KIF26B: variants seen among roughly 807,000 people sequenced by gnomAD.
KIF26B encodes kinesin family member 26B, also known as kinesin-like protein KIF26B.
KIF26B carries 63 observed loss-of-function variants against 151.2 expected under a neutral mutation model. The ratio of observed to expected loss-of-function variants is 0.42; its 90% CI spans 0.34 to 0.51. The LOEUF is 0.51. KIF26B is among the 20% of genes least tolerant of loss of function. The probability of loss-of-function intolerance (pLI) is 0.07; values close to 1 mark genes in which losing one functional copy is unlikely to be tolerated. For synonymous variants in KIF26B, 1,357 were observed against 1,262.1 expected (o/e 1.08, Z -1.59); for missense variants, 2,813 against 2,913.6 (o/e 0.97, Z 0.79).
chr1:245,516,059 G>A lies in KIF26B; in HGVS notation c.1167-24708G>A, dbSNP rs948921304. Among the ~76,000 whole-genome samples, 1 of 152,120 alleles carries A rather than the reference G, an allele frequency of 6.6e-6. No individual in the cohort carries two copies. Among genetic ancestry groups the A allele is most frequent in the African/African-American group, 2.4e-5 (1 of 41,434 alleles). ...TCTCATGAGTCCTCTCCCTGGAGGA[G>A]TATTTGGATTCTATTCTGCTTCTCC... On this transcript the variant is annotated intron_variant, in intron 4 of 14. Transcript: ENST00000407071. The surrounding 1 kb of genome is among the most constrained non-coding windows in gnomAD (Gnocchi z 4.2).
At chr1:245,566,566 T>G (rs2043011778) in intron 5 of KIF26B, among the ~76,000 whole-genome samples, 1 of 152,218 alleles carries the variant, frequency 6.6e-6, no homozygotes. Context: ...ACAAAGAAAT[T>G]AAGGACAGCA....
rs151141137 is a variant in KIF26B at position 245,631,452 on chromosome 1, C to T, written c.2099-14669C>T. 3.6e-3 allele frequency among the ~76,000 whole-genome samples: 549 copies of T among 152,272 alleles called. 3 individuals carry two copies. The highest frequency in any genetic ancestry group is 0.013 in the African/African-American group (525 of 41,562). ...TATTGATTTGCATACATCGAACCATCATTGCATCCCTAGGATAAATCCCAC... is the reference window on the plus strand; with the variant it reads ...TATTGATTTGCATACATCGAACCATTATTGCATCCCTAGGATAAATCCCAC... On this transcript the variant is annotated intron_variant, in intron 9 of 14. Coordinates refer to ENST00000407071, the MANE Select transcript of KIF26B (RefSeq NM_018012.4).
chr1:245,491,644 A>G (rs1660411574), intron 4 of KIF26B, among the ~76,000 whole-genome samples: 1 of 152,224 alleles, frequency 6.6e-6, no homozygotes, highest in African/African-American at 2.4e-5. Flanking sequence ...GCAGTGTCTC[A>G]CGCCTATCAT....
At position 245,686,033 on chromosome 1, in the gene KIF26B, C is replaced by G; in HGVS notation, c.3050C>G (p.Pro1017Arg). The G allele has an allele frequency of 6.3e-7, 1 of 1,594,936 alleles. No individual in the cohort carries two copies. The highest frequency in any genetic ancestry group is 1.1e-5 in the South Asian group (1 of 88,766). Residue 1017 changes from proline to arginine, a missense_variant, in exon 12 of 15, where the codon CCC (proline) becomes CGC (arginine). Pro to Arg is a moderately radical substitution (Grantham distance 103, BLOSUM62 -2). Around this residue, in one of 3 missense-constraint regions of KIF26B, gnomAD observed 2,060 missense variants for 2,088.6 expected, o/e 0.99. Transcript: ENST00000407071. This position sits in a 1 kb window ranked among gnomAD's most constrained non-coding sequence, Gnocchi z 5.6. ...CCCGCCGCGGCACCCGCCCACAGCC[C>G]CAGCCCGGCCTCACCCAGGAGCGTC... ...PVPAAAPAHS[P>R]SPASPRSVPG...
chr1:245,388,978 T>A (rs1019846502), intron 3 of KIF26B, among the ~76,000 whole-genome samples: 1 of 152,164 alleles, frequency 6.6e-6, no homozygotes. Flanking sequence ...AGGCTTGCAG[T>A]AAAAGCTTAT....
intron 2 of KIF26B, among the ~76,000 whole-genome samples, chr1:245,363,937 G>A (rs577293515): frequency 1.4e-4 from 22 of 152,302 alleles, no homozygotes; most frequent in Admixed American, 5.2e-4. Flanking sequence ...AGGAGCGGGA[G>A]TTGGTGCTGA....
At chr1:245,548,278 T>A (rs934710772) in intron 5 of KIF26B, among the ~76,000 whole-genome samples, 2 of 147,558 alleles carry the variant, frequency 1.4e-5, no homozygotes, top group African/African-American at 5.1e-5. Context: ...ACAATGTGGT[T>A]GAACTTAAAA....
intron 2 of KIF26B, among the ~76,000 whole-genome samples, chr1:245,212,601 A>G (rs1466083362): frequency 2.6e-5 from 4 of 152,222 alleles, no homozygotes; most frequent in Non-Finnish European, 4.4e-5. Context: ...CATCGAGAGC[A>G]GCAGCTCAGT....
chr1:245,294,135 A>G (rs1425420466), intron 2 of KIF26B, among the ~76,000 whole-genome samples: 2 of 152,196 alleles, frequency 1.3e-5, no homozygotes, highest in Non-Finnish European at 2.9e-5. Flanking sequence ...GGCAAGGTTC[A>G]TAAAACGCTT....
intron 2 of KIF26B, among the ~76,000 whole-genome samples, chr1:245,313,361 A>G (rs1425507552): frequency 6.6e-6 from 1 of 152,190 alleles, no homozygotes; most frequent in East Asian, 1.9e-4. Flanking sequence ...GGTGCACTGA[A>G]GAGGGAAAGC....
At chr1:245,401,949 C>A (rs575567038) in intron 3 of KIF26B, among the ~76,000 whole-genome samples, 3 of 151,588 alleles carry the variant, frequency 2.0e-5, no homozygotes, top group Non-Finnish European at 4.4e-5. Context: ...ACAACAACAA[C>A]AAAAAAAACA....
Position 245,685,761 on chromosome 1 carries a change from T to C in KIF26B, c.2778T>C (p.Phe926=). 1 of 1,612,324 alleles carries C rather than the reference T, an allele frequency of 6.2e-7. No individual in the cohort carries two copies. Among genetic ancestry groups the C allele is most frequent in the Non-Finnish European group, 8.5e-7 (1 of 1,179,418 alleles). ...GGGACTGCCTGAAGTGCAACACGTT[T>C]GCCGAGCTGCAGGAGAGGCTGGACT... The part of the protein sequence containing the change: ...SERDCLKCNT[F]AELQERLDCI... The change falls in exon 12 of 15, where the codon TTT becomes TTC. Residue 926 remains phenylalanine (F), a synonymous_variant. Transcript: ENST00000407071.
Position 245,516,756 on chromosome 1 carries a change from C to T in KIF26B, c.1167-24011C>T, listed in dbSNP as rs1346942900. Among the ~76,000 whole-genome samples the T allele has an allele frequency of 6.6e-6, 1 of 152,178 alleles. No individual in the cohort carries two copies. The highest frequency in any genetic ancestry group is 1.5e-5 in the Non-Finnish European group (1 of 68,034). On this transcript the variant is annotated intron_variant, in intron 4 of 14. Coordinates refer to ENST00000407071, the MANE Select transcript of KIF26B (RefSeq NM_018012.4). This position sits in a 1 kb window ranked among gnomAD's most constrained non-coding sequence, Gnocchi z 4.2. ...ATGTCAGCTCATAAATCTGTAAGCT[C>T]CTTGCTTAAGTAATACGCTCCTTGA...
rs532087622 is a variant in KIF26B at position 245,407,046 on chromosome 1, C to T, written c.1000-12533C>T. 1.7e-4 allele frequency among the ~76,000 whole-genome samples: 26 copies of T among 152,310 alleles called. No individual in the cohort carries two copies. The East Asian group carries it at 4.6e-3, about 27-fold the overall frequency. The stretch of plus-strand genomic sequence containing the variant: ...CAAGTGATCTGCCTGCCTTGGCCTC[C>T]CAAAGTGCTGGGATGACAGGTGTAA... On this transcript the variant is annotated intron_variant, in intron 3 of 14. Coordinates refer to ENST00000407071, the MANE Select transcript of KIF26B (RefSeq NM_018012.4).
In KIF26B at chr1:245,612,099, T is replaced by TGAGAGAGAGA. The variant is rs1256677244; in HGVS notation, c.2098+124_2098+125insAGAGAGAGAG. 24 of 589,544 alleles carry TGAGAGAGAGA rather than the reference T, an allele frequency of 4.1e-5. No individual in the cohort carries two copies. In the East Asian group the frequency reaches 4.6e-4, roughly 11 times the overall value. 36.5% of individuals were successfully genotyped at this position (589,544 alleles called of 1,614,324 possible). Reference sequence around the variant, plus strand: ...GTGTGTGTGTGTGTGTGTGTGTGTGTGTGTGTGAGAGAGAGAGAGAGAGAG... The same window carrying TGAGAGAGAGA: ...GTGTGTGTGTGTGTGTGTGTGTGTGTGAGAGAGAGAGTGTGTGAGAGAGAGAGAGAGAGAG... On this transcript the variant is annotated intron_variant, in intron 9 of 14. Coordinates refer to ENST00000407071, the MANE Select transcript of KIF26B (RefSeq NM_018012.4).
chr1:245,689,563 T>G (rs878957732), intron 12 of KIF26B, among the ~76,000 whole-genome samples: 3 of 152,200 alleles, frequency 2.0e-5, no homozygotes, highest in Admixed American at 6.5e-5. Context: ...TGCCATTTCT[T>G]TTTTTCCTTT....
chr1:245,378,884 T>C (rs545747031), intron 3 of KIF26B, among the ~76,000 whole-genome samples: 5 of 152,148 alleles, frequency 3.3e-5, no homozygotes, highest in African/African-American at 1.2e-4. Context: ...CTCTGCAGAG[T>C]GGAAACTTCC....
chr1:245,303,489 C>T (rs553565744), intron 2 of KIF26B, among the ~76,000 whole-genome samples: 35 of 151,052 alleles, frequency 2.3e-4, no homozygotes, highest in East Asian at 1.5e-3. Flanking sequence ...TAAGCCACCG[C>T]GCCCGGCCCT....
At chr1:245,530,756 C>T (rs1335198631) in intron 4 of KIF26B, among the ~76,000 whole-genome samples, 1 of 152,176 alleles carries the variant, frequency 6.6e-6, no homozygotes, top group African/African-American at 2.4e-5. Flanking sequence ...ATAAAGTTAT[C>T]AATAACATTT....
Sources: allele counts gnomAD v4.1 joint callset (sites outside exome capture counted in the v4.1 genomes callset), GRCh38; gene constraint gnomAD v4.1.1; regional missense constraint gnomAD v4.1.1; non-coding constraint Gnocchi (gnomAD v3.1); transcripts MANE v1.5; gene names NCBI Gene and HGNC (gene_info 2026-07-23, HGNC 2026-07-21).